The following MRTFB variants were observed in gnomAD, a reference collection of about 807,000 sequenced individuals.
MRTFB encodes the protein myocardin related transcription factor B.
In MRTFB, 29 loss-of-function variants were observed where a neutral mutation model predicts 104.2. The ratio of observed to expected loss-of-function variants is 0.28; its 90% CI spans 0.21 to 0.38. The LOEUF is 0.38. Ranked by LOEUF, MRTFB falls within the 10% of genes least tolerant of loss-of-function variation. The pLI is 1.00. For missense variants in MRTFB, 1,270 were observed against 1,341.6 expected (o/e 0.95, Z 0.83); for synonymous variants, 535 against 519.5 (o/e 1.03, Z -0.41).
At chr16:14,042,927 G>T in the MRTFB span, among the ~76,000 whole-genome samples, 1 of 152,292 alleles carries the variant, frequency 6.6e-6, no homozygotes, top group African/African-American at 2.4e-5. Flanking sequence ...TTATGGGACA[G>T]ATTGTTTTTG....
At position 14,245,455 on chromosome 16, in the gene MRTFB, A is replaced by G; in HGVS notation, c.1080-73A>G. 6 of 1,356,980 alleles carry G rather than the reference A, an allele frequency of 4.4e-6. No individual in the cohort carries two copies. The South Asian group carries it at 5.6e-5, about 13-fold the overall frequency. 84.1% of individuals were successfully genotyped at this position (1,356,980 alleles called of 1,614,324 possible). A position where few individuals can be genotyped will look rare whatever the true frequency, so the allele number is the denominator to read the frequency against. On this transcript the variant is annotated intron_variant, in intron 10 of 16. Coordinates refer to ENST00000571589, the MANE Select transcript of MRTFB (RefSeq NM_001308142.2). ...TATTTTTCTCTTCATAAGTTAGTCAAATTGTTAATAGAAGCAATGTCAAAT... is the reference window on the plus strand; with the variant it reads ...TATTTTTCTCTTCATAAGTTAGTCAGATTGTTAATAGAAGCAATGTCAAAT...
chr16:14,237,501 A>T (rs546656925), intron 9 of MRTFB, among the ~76,000 whole-genome samples: 1 of 152,250 alleles, frequency 6.6e-6, no homozygotes, highest in Admixed American at 6.5e-5. Context: ...GAGTGGGCAC[A>T]AGAGAGCCTG....
intron 2 of MRTFB, among the ~76,000 whole-genome samples, chr16:14,132,151 T>C (rs989224918): frequency 1.3e-5 from 2 of 152,198 alleles, no homozygotes; most frequent in Non-Finnish European, 2.9e-5. Flanking sequence ...GAAAATATTA[T>C]GTTAAGTGAA....
At chr16:14,140,335 CTTTA>C (rs1284892873) in intron 2 of MRTFB, among the ~76,000 whole-genome samples, 1 of 152,110 alleles carries the variant, frequency 6.6e-6, no homozygotes, top group Non-Finnish European at 1.5e-5. Context: ...TATATTTCAG[CTTTA>C]TTTACCTTAT....
At chr16:14,060,829 C>G in the MRTFB span, among the ~76,000 whole-genome samples, 1 of 151,980 alleles carries the variant, frequency 6.6e-6, no homozygotes, top group African/African-American at 2.4e-5. Context: ...GCTATGACAG[C>G]CATCAACCAG....
At chr16:14,108,336 C>A (rs1475402624) in intron 2 of MRTFB, among the ~76,000 whole-genome samples, 2 of 152,186 alleles carry the variant, frequency 1.3e-5, no homozygotes, top group Admixed American at 1.3e-4. Context: ...ATAAGATGAA[C>A]TTCTAGCGTT....
At chr16:14,012,007 C>T in the MRTFB span, among the ~76,000 whole-genome samples, 1 of 152,144 alleles carries the variant, frequency 6.6e-6, no homozygotes, top group African/African-American at 2.4e-5. Flanking sequence ...GGCTGTCACC[C>T]AGCATTGCCC....
chr16:14,071,584 G>A (rs1214756326), intron 1 of MRTFB, among the ~76,000 whole-genome samples: 1 of 151,924 alleles, frequency 6.6e-6, no homozygotes, highest in African/African-American at 2.4e-5. Flanking sequence ...TCCTTCAACC[G>A]GTCCTCGCGC....
intron 3 of MRTFB, among the ~76,000 whole-genome samples, chr16:14,192,865 G>A (rs1233104446): frequency 6.6e-6 from 1 of 152,086 alleles, no homozygotes; most frequent in Non-Finnish European, 1.5e-5. Flanking sequence ...TCCACCCAGT[G>A]GCTCCTGCCA....
intron 2 of MRTFB, among the ~76,000 whole-genome samples, chr16:14,105,253 GA>G (rs2035908442): frequency 6.6e-6 from 1 of 152,108 alleles, no homozygotes; most frequent in Non-Finnish European, 1.5e-5. Flanking sequence ...TTTTAAATTA[GA>G]CCAGAGAAGT....
At chr16:14,057,213 G>A in the MRTFB span, among the ~76,000 whole-genome samples, 1 of 152,068 alleles carries the variant, frequency 6.6e-6, no homozygotes, top group Non-Finnish European at 1.5e-5. Context: ...AAATGAGTCA[G>A]TTGAGATGGG....
chr16:14,111,357 C>G (rs2036257612), intron 2 of MRTFB, among the ~76,000 whole-genome samples: 1 of 151,848 alleles, frequency 6.6e-6, no homozygotes, highest in South Asian at 2.1e-4. Flanking sequence ...TGGCCTTTGC[C>G]CTTAATAAAA....
chr16:14,200,510 C>T (rs1180026728), intron 3 of MRTFB: 1 of 1,610,432 alleles, frequency 6.2e-7, no homozygotes, highest in Non-Finnish European at 8.5e-7. Flanking sequence ...CATCGTCTGT[C>T]TTCTCTGTGA....
At chr16:14,220,749 C>T (rs1224238771) in intron 8 of MRTFB, among the ~76,000 whole-genome samples, 1 of 152,202 alleles carries the variant, frequency 6.6e-6, no homozygotes, top group Non-Finnish European at 1.5e-5. Context: ...CTGCCTGTTA[C>T]ATGCAGACCA....
chr16:14,012,364 T>C, the MRTFB span, among the ~76,000 whole-genome samples: 1 of 142,904 alleles, frequency 7.0e-6, no homozygotes, highest in Non-Finnish European at 1.5e-5. Context: ...AGTGGTGGAA[T>C]CTCAGCTCAC....
At chr16:14,110,751 A>G (rs551812518) in intron 2 of MRTFB, among the ~76,000 whole-genome samples, 1 of 152,238 alleles carries the variant, frequency 6.6e-6, no homozygotes, top group South Asian at 2.1e-4. Flanking sequence ...ACGTGAGACC[A>G]GGCTTTAGTT....
chr16:14,085,519 A>G (rs1304883832), intron 2 of MRTFB, among the ~76,000 whole-genome samples: 2 of 151,720 alleles, frequency 1.3e-5, no homozygotes, highest in Admixed American at 1.3e-4. Flanking sequence ...AATGCCTTTA[A>G]TACTTTAATA....
intron 3 of MRTFB, among the ~76,000 whole-genome samples, chr16:14,183,676 C>G (rs1262263977): frequency 6.6e-6 from 1 of 152,156 alleles, no homozygotes; most frequent in East Asian, 1.9e-4. Context: ...ATGTTAGAAC[C>G]TATTCAGAGA....
At chr16:14,203,334 T>C (rs954791966) in intron 3 of MRTFB, among the ~76,000 whole-genome samples, 1 of 152,178 alleles carries the variant, frequency 6.6e-6, no homozygotes, top group African/African-American at 2.4e-5. Flanking sequence ...AGACCATGGC[T>C]GCCTGCCATT....
Sources: gnomAD v4.1 joint callset for allele counts (sites outside exome capture counted in the v4.1 genomes callset) on GRCh38, gnomAD v4.1.1 for gene constraint, MANE v1.5 for transcripts, NCBI Gene and HGNC (gene_info 2026-07-23, HGNC 2026-07-21) for gene names.